Variants in C4orf17 observed in about 807,000 individuals in gnomAD.
C4orf17 encodes chromosome 4 open reading frame 17.
In C4orf17, 25 loss-of-function variants were observed where a neutral mutation model predicts 32.0. The ratio of observed to expected loss-of-function variants is 0.78; its 90% CI spans 0.57 to 1.09. C4orf17 has a LOEUF of 1.09. Among genes scored for constraint, C4orf17 ranks in the 50% least tolerant of loss-of-function variants. The probability of loss-of-function intolerance (pLI) is 0.00; values close to 1 mark genes in which losing one functional copy is unlikely to be tolerated. For synonymous variants in C4orf17, 149 were observed against 145.8 expected, an observed-to-expected ratio of 1.02 and a Z score of -0.16; for missense variants, 420 against 420.0, an observed-to-expected ratio of 1.00 and a Z score of 0.00.
chr4:99,542,092 T>G lies in C4orf17; in HGVS notation c.1063T>G (p.Ser355Ala). 1 of 1,613,878 alleles carries G rather than the reference T, an allele frequency of 6.2e-7. No individual in the cohort carries two copies. Among genetic ancestry groups the G allele is most frequent in the Non-Finnish European group, 8.5e-7 (1 of 1,179,846 alleles). Reference protein sequence around the residue: ...NLCPQRACYPSTHRR With the variant: ...NLCPQRACYPATHRR ...CTGTCCCCAAAGAGCATGTTATCCT[T>G]CAACACACCGGAGGTAGAAGTTCTA... Residue 355 changes from serine (S) to alanine (A), a missense_variant, in exon 9 of 9, where the codon TCA becomes GCA. Physicochemically the swap from Ser to Ala is moderately conservative, Grantham distance 99 (BLOSUM62 1). Coordinates refer to ENST00000326581, the MANE Select transcript of C4orf17 (RefSeq NM_032149.3).
At chr4:99,516,112 G>C (rs1723175970) in intron 2 of C4orf17, among the ~76,000 whole-genome samples, 1 of 152,212 alleles carries the variant, frequency 6.6e-6, no homozygotes, top group Admixed American at 6.5e-5. Context: ...AAAGCTGAAA[G>C]GGAGAAGGTG....
rs758433526 is a variant in C4orf17, at chr4:99,541,891, A to AT, written c.881-12dup. The AT allele has an allele frequency of 2.8e-5, 45 of 1,583,546 alleles. No individual in the cohort carries two copies. Among genetic ancestry groups the AT allele is most frequent in the South Asian group, 1.4e-4 (12 of 88,592 alleles). ...GTGTCTCAATTATGGTCTTATTTAGATTTTTTTCTCTATTTCAGAGGCTGA... is the reference window on the plus strand; with the variant it reads ...GTGTCTCAATTATGGTCTTATTTAGATTTTTTTTCTCTATTTCAGAGGCTGA... On this transcript the variant is annotated intron_variant, in intron 8 of 8. Coordinates refer to ENST00000326581, the MANE Select transcript of C4orf17 (RefSeq NM_032149.3).
At chr4:99,522,833 C>A in intron 3 of C4orf17, 124 bp downstream of exon 3, 1 of 711,480 alleles carries the variant, frequency 1.4e-6, no homozygotes, top group Non-Finnish European at 2.3e-6. Flanking sequence ...CTGTGAGGAA[C>A]ATAAATTTTG....
rs1178231312 is a variant in C4orf17 at position 99,522,650 on chromosome 4, CTG to C, written c.280_281del (p.Val94LysfsTer19). On this transcript the variant is annotated frameshift_variant, in exon 3 of 9. Transcript: ENST00000326581. LOFTEE classifies it high-confidence loss of function. Reference sequence around the variant, plus strand: ...TCCAGCACTGCAGTCCAGGAGAGCCCTGTAAGAGGAATGTCGCCAGCCCCAAA... The same window carrying C: ...TCCAGCACTGCAGTCCAGGAGAGCCCTAAGAGGAATGTCGCCAGCCCCAAA... The C allele has an allele frequency of 6.2e-7, 1 of 1,613,904 alleles. No individual in the cohort carries two copies. The highest frequency in any genetic ancestry group is 8.5e-7 in the Non-Finnish European group (1 of 1,180,004).
chr4:99,528,859 C>A (rs1723433595), intron 4 of C4orf17, among the ~76,000 whole-genome samples: 1 of 152,010 alleles, frequency 6.6e-6, no homozygotes, highest in South Asian at 2.1e-4. Context: ...TATCACAATT[C>A]AAGGTGACAT....
chr4:99,525,651 C>A (rs1179707832), intron 4 of C4orf17, among the ~76,000 whole-genome samples: 1 of 151,862 alleles, frequency 6.6e-6, no homozygotes, highest in Non-Finnish European at 1.5e-5. Context: ...AAAAATTAGT[C>A]GGGCTTGGTG....
At chr4:99,518,530 TATATATATATATATAGAGAG>T (rs1016303885) in intron 2 of C4orf17, among the ~76,000 whole-genome samples, 1 of 68,320 alleles carries the variant, frequency 1.5e-5, no homozygotes, top group Non-Finnish European at 2.5e-5. Context: ...TATATATATA[TATATATATATATATAGAGAG>T]AGAGAGAGAG....
intron 4 of C4orf17, among the ~76,000 whole-genome samples, chr4:99,528,136 T>C (rs980193184): frequency 1.6e-4 from 25 of 152,300 alleles, no homozygotes; most frequent in South Asian, 1.4e-3. Flanking sequence ...CTTTTAAAAA[T>C]ATCTGCTGGT....
chr4:99,516,116 G>C (rs898798029), intron 2 of C4orf17, among the ~76,000 whole-genome samples: 1 of 152,196 alleles, frequency 6.6e-6, no homozygotes, highest in Non-Finnish European at 1.5e-5. Context: ...CTGAAAGGGA[G>C]AAGGTGAAGT....
Position 99,513,074 on chromosome 4 carries a change from C to A in C4orf17, c.-8C>A. On this transcript the variant is annotated 5_prime_UTR_variant, in exon 2 of 9. Coordinates refer to ENST00000326581, the MANE Select transcript of C4orf17 (RefSeq NM_032149.3). ...CAGTGAAGAGGGGAAAATAAACACA[C>A]CACAAACATGAACCTCAACCCCCCG... 1.9e-6 allele frequency: 3 copies of A among 1,613,502 alleles called. No individual in the cohort carries two copies. Among genetic ancestry groups the A allele is most frequent in the Non-Finnish European group, 2.5e-6 (3 of 1,179,658 alleles).
intron 2 of C4orf17, among the ~76,000 whole-genome samples, chr4:99,514,802 A>G (rs1723150436): frequency 6.6e-6 from 1 of 152,210 alleles, no homozygotes; most frequent in African/African-American, 2.4e-5. Flanking sequence ...AGACACATGT[A>G]CATGCATGTT....
chr4:99,512,975 T>C lies in C4orf17; in HGVS notation c.-93-14T>C, dbSNP rs1292555267. On this transcript the variant is annotated splice_polypyrimidine_tract_variant and intron_variant, in intron 1 of 8. Coordinates refer to ENST00000326581, the MANE Select transcript of C4orf17 (RefSeq NM_032149.3). ...GAAACTCTTGTCAGAATGTTTGTCA[T>C]TTTGTGATTTCAGGGTCTGAGCACA... 2.7e-6 allele frequency: 3 copies of C among 1,094,502 alleles called. No homozygotes were observed. Among genetic ancestry groups the C allele is most frequent in the Non-Finnish European group, 4.0e-6 (3 of 756,176 alleles). The allele number at this position is 1,094,502 out of a possible 1,614,324, so 67.8% of individuals were successfully genotyped here.
intron 2 of C4orf17, among the ~76,000 whole-genome samples, chr4:99,517,627 A>G (rs1460429765): frequency 6.6e-6 from 1 of 151,464 alleles, no homozygotes; most frequent in Admixed American, 6.6e-5. Flanking sequence ...TTTTTCCTCT[A>G]CCTCTGTGCC....
Position 99,542,046 on chromosome 4 carries a change from G to T in C4orf17, c.1017G>T (p.Arg339Ser). 6.2e-7 allele frequency: 1 copy of T among 1,614,096 alleles called. No homozygotes were observed. The highest frequency in any genetic ancestry group is 8.5e-7 in the Non-Finnish European group (1 of 1,180,002). Residue 339 changes from arginine (R) to serine (S), a missense_variant, in exon 9 of 9, where the codon AGG becomes AGT. Coordinates refer to ENST00000326581, the MANE Select transcript of C4orf17 (RefSeq NM_032149.3). ...ESGSAKPVSA[R>S]SIQEYNLCPQ... Reference sequence around the variant, plus strand: ...GATCAGCAAAACCAGTGTCAGCAAGGAGTATACAAGAATACAACCTCTGTC... The same window carrying T: ...GATCAGCAAAACCAGTGTCAGCAAGTAGTATACAAGAATACAACCTCTGTC...
In C4orf17 at chr4:99,522,611, A is replaced by G. The variant is rs941402696; in HGVS notation, c.239A>G (p.Asn80Ser). 2.0e-5 allele frequency: 32 copies of G among 1,613,918 alleles called. No homozygotes were observed. Among genetic ancestry groups the G allele is most frequent in the Admixed American group, 6.7e-5 (4 of 59,984 alleles). The change falls in exon 3 of 9, where the codon AAT (asparagine) becomes AGT (serine). Residue 80 changes from asparagine to serine, a missense_variant. Coordinates refer to ENST00000326581, the MANE Select transcript of C4orf17 (RefSeq NM_032149.3). Reference sequence around the variant, plus strand: ...GAGAAGAACAGGATACCATTTGCCAATTGCAGTTACCCCTCCAGCACTGCA... The same window carrying G: ...GAGAAGAACAGGATACCATTTGCCAGTTGCAGTTACCCCTCCAGCACTGCA... The part of the protein sequence containing the change: ...YLEKNRIPFA[N>S]CSYPSSTAVQ...
At chr4:99,525,844 A>G (rs983660136) in intron 4 of C4orf17, among the ~76,000 whole-genome samples, 9 of 152,154 alleles carry the variant, frequency 5.9e-5, no homozygotes, top group African/African-American at 2.2e-4. Flanking sequence ...ATGTTGTAAA[A>G]GTTCTTCATA....
chr4:99,514,676 C>A (rs1288843315), intron 2 of C4orf17, among the ~76,000 whole-genome samples: 2 of 152,106 alleles, frequency 1.3e-5, no homozygotes, highest in African/African-American at 4.8e-5. Context: ...AGTGTACAAC[C>A]ACTGTGGAAA....
At chr4:99,514,019 A>G (rs1723137659) in intron 2 of C4orf17, among the ~76,000 whole-genome samples, 1 of 152,126 alleles carries the variant, frequency 6.6e-6, no homozygotes, top group Admixed American at 6.5e-5. Flanking sequence ...CACCCCCGAC[A>G]AAGTAGCATA....
chr4:99,524,487 A>T (rs1043967413), intron 3 of C4orf17, 34 bp from the exon 4 acceptor site: 2 of 1,310,938 alleles, frequency 1.5e-6, no homozygotes, highest in Admixed American at 1.8e-5. Context: ...TTTTCAGTTT[A>T]ATCTAAATAC....
Sources: gnomAD v4.1 joint callset for allele counts (sites outside exome capture counted in the v4.1 genomes callset) on GRCh38, gnomAD v4.1.1 for gene constraint, MANE v1.5 for transcripts, NCBI Gene and HGNC (gene_info 2026-07-23, HGNC 2026-07-21) for gene names.